The following CORIN variants were observed in gnomAD, a reference collection of about 807,000 sequenced individuals.
The protein encoded by CORIN is corin, serine peptidase, also known as atrial natriuretic peptide-converting enzyme.
CORIN carries 117 observed loss-of-function variants against 125.3 expected under a neutral mutation model. The ratio of observed to expected loss-of-function variants is 0.93; its 90% confidence interval spans 0.80 to 1.09. The LOEUF (loss-of-function observed/expected upper bound fraction) is 1.09. CORIN is among the 50% of genes least tolerant of loss of function. CORIN has a pLI of 0.00. For synonymous variants in CORIN, 450 were observed against 466.4 expected (o/e 0.96, Z 0.45); for missense variants, 1,253 against 1,306.7 (o/e 0.96, Z 0.63).
rs533958467 is a variant in CORIN at position 47,649,509 on chromosome 4, T to C, written c.1843+4044A>G. Among the ~76,000 whole-genome samples, 12 of 152,316 alleles carry C rather than the reference T, an allele frequency of 7.9e-5. 1 individual carries two copies. The Middle Eastern group carries it at 0.014, about 173-fold the overall frequency. On this transcript the variant is annotated intron_variant, in intron 13 of 21. Coordinates refer to ENST00000273857, the MANE Select transcript of CORIN (RefSeq NM_006587.4). ...ATTTTCCACCACCACAGCAGGTGAG[T>C]TCCCAGTTATTAGCTTCTGAGGATG...
intron 5 of CORIN, among the ~76,000 whole-genome samples, chr4:47,735,857 C>T (rs1317319527): frequency 5.4e-5 from 8 of 147,326 alleles, no homozygotes; most frequent in South Asian, 4.3e-4. Context: ...ACCCGGGAGG[C>T]GAAGCTTGCA....
chr4:47,822,867 G>A (rs538723191), intron 1 of CORIN, among the ~76,000 whole-genome samples: 1 of 151,064 alleles, frequency 6.6e-6, no homozygotes, highest in Non-Finnish European at 1.5e-5. Flanking sequence ...CCAGGCTGGA[G>A]TGCAGTGGTG....
intron 3 of CORIN, among the ~76,000 whole-genome samples, chr4:47,775,525 A>T (rs1375320454): frequency 6.6e-6 from 1 of 152,158 alleles, no homozygotes; most frequent in African/African-American, 2.4e-5. Flanking sequence ...AGCTTCATCC[A>T]TGTCCCTACA....
intron 1 of CORIN, among the ~76,000 whole-genome samples, chr4:47,825,729 C>T (rs1199825114): frequency 7.3e-6 from 1 of 137,924 alleles, no homozygotes; most frequent in Non-Finnish European, 1.5e-5. Context: ...TAGATGGAGT[C>T]TCACTCTGTC....
intron 11 of CORIN, among the ~76,000 whole-genome samples, chr4:47,664,027 T>C (rs770917822): frequency 6.6e-6 from 1 of 152,214 alleles, no homozygotes; most frequent in Admixed American, 6.5e-5. Flanking sequence ...CTGTCCACTA[T>C]AGTAATAGTA....
At position 47,835,318 on chromosome 4, in the gene CORIN, T is replaced by C. The variant is rs568758346; in HGVS notation, c.63+2569A>G. On this transcript the variant is annotated intron_variant, in intron 1 of 21. Coordinates refer to ENST00000273857, the MANE Select transcript of CORIN (RefSeq NM_006587.4). Reference sequence around the variant, plus strand: ...AACAGGATGCATGAATCCATACTTGTTGAATAACTTATTAGGTAGAAGTAG... The same window carrying C: ...AACAGGATGCATGAATCCATACTTGCTGAATAACTTATTAGGTAGAAGTAG... Among the ~76,000 whole-genome samples the C allele has an allele frequency of 2.0e-5, 3 of 152,254 alleles. No individual in the cohort carries two copies. In the South Asian group the frequency reaches 6.2e-4, roughly 32 times the overall value.
At chr4:47,724,643 C>G (rs2109803510) in intron 5 of CORIN, among the ~76,000 whole-genome samples, 1 of 152,222 alleles carries the variant, frequency 6.6e-6, no homozygotes, top group Non-Finnish European at 1.5e-5. Flanking sequence ...TTCAGGAATG[C>G]AAGGCTAATG....
At chr4:47,752,143 A>G (rs747378403) in intron 4 of CORIN, among the ~76,000 whole-genome samples, 7 of 152,138 alleles carry the variant, frequency 4.6e-5, no homozygotes, top group Admixed American at 6.6e-5. Context: ...CCTGAACAAC[A>G]CTGCCTAAAA....
intron 2 of CORIN, among the ~76,000 whole-genome samples, chr4:47,788,110 T>C (rs1228265833): frequency 2.6e-5 from 4 of 152,186 alleles, no homozygotes; most frequent in Non-Finnish European, 5.9e-5. Context: ...TACTTGAGCA[T>C]GCCACGAAAA....
chr4:47,684,731 T>C (rs2109724202), intron 6 of CORIN, among the ~76,000 whole-genome samples: 1 of 152,286 alleles, frequency 6.6e-6, no homozygotes, highest in Admixed American at 6.5e-5. Context: ...ATTATATGTA[T>C]GATAAAGAAA....
chr4:47,764,177 A>G (rs985832729), intron 3 of CORIN, among the ~76,000 whole-genome samples: 3 of 152,352 alleles, frequency 2.0e-5, no homozygotes, highest in Admixed American at 6.5e-5. Context: ...CTCATAATAT[A>G]ATAAGTAAAA....
chr4:47,680,254 G>T lies in CORIN; in HGVS notation c.1022-3C>A. On this transcript the variant is annotated splice_polypyrimidine_tract_variant and splice_region_variant and intron_variant, in intron 7 of 21. Transcript: ENST00000273857. ...ATGCTCTGTTGTGGGATTGCAATCT[G>T]GAGAAATGAAAACTCACGAGGATGC... is the stretch of plus-strand genomic sequence containing the variant. 1 of 1,610,674 alleles carries T rather than the reference G, an allele frequency of 6.2e-7. No individual in the cohort carries two copies. The highest frequency in any genetic ancestry group is 8.5e-7 in the Non-Finnish European group (1 of 1,177,156).
intron 1 of CORIN, among the ~76,000 whole-genome samples, chr4:47,822,976 C>T (rs190302727): frequency 1.5e-4 from 23 of 152,132 alleles, no homozygotes; most frequent in Non-Finnish European, 1.3e-4. Context: ...CCAACATGCC[C>T]GGCTAATTTC....
intron 11 of CORIN, 105 bp from the exon 12 acceptor site, chr4:47,661,961 T>C (rs1469209046): frequency 9.1e-7 from 1 of 1,097,826 alleles, no homozygotes; most frequent in Non-Finnish European, 1.2e-6. Flanking sequence ...TGGCATGTAT[T>C]GTGGGTGTGT....
chr4:47,813,588 T>C (rs537802264), intron 1 of CORIN, among the ~76,000 whole-genome samples: 4 of 152,214 alleles, frequency 2.6e-5, no homozygotes, highest in Admixed American at 6.5e-5. Flanking sequence ...TCAGGCAAAC[T>C]TGAGGCAGAA....
At chr4:47,636,345 T>C (rs538369034) in intron 16 of CORIN, among the ~76,000 whole-genome samples, 1 of 152,200 alleles carries the variant, frequency 6.6e-6, no homozygotes, top group Non-Finnish European at 1.5e-5. Context: ...TACCAGATGT[T>C]TCAACTGAGC....
At chr4:47,789,163 G>A (rs1377700094) in intron 2 of CORIN, among the ~76,000 whole-genome samples, 7 of 151,996 alleles carry the variant, frequency 4.6e-5, no homozygotes, top group Non-Finnish European at 1.0e-4. Flanking sequence ...AATTAGCTGG[G>A]CATGGTGGCG....
chr4:47,808,942 C>G (rs774995972), intron 1 of CORIN, among the ~76,000 whole-genome samples: 21 of 152,146 alleles, frequency 1.4e-4, no homozygotes, highest in Non-Finnish European at 2.8e-4. Flanking sequence ...ATGTACATGA[C>G]TATATTGCAA....
At chr4:47,738,643 C>A (rs938584109) in intron 5 of CORIN, among the ~76,000 whole-genome samples, 1 of 151,978 alleles carries the variant, frequency 6.6e-6, no homozygotes, top group Non-Finnish European at 1.5e-5. Flanking sequence ...CAACTTTCAA[C>A]AAAAAATTAC....
Sources: gnomAD v4.1 joint callset for allele counts (sites outside exome capture counted in the v4.1 genomes callset) on GRCh38, gnomAD v4.1.1 for gene constraint, MANE v1.5 for transcripts, NCBI Gene and HGNC (gene_info 2026-07-23, HGNC 2026-07-21) for gene names.